Variants in DOCK9 observed in about 807,000 individuals in gnomAD.
The protein encoded by DOCK9 is dedicator of cytokinesis protein 9.
In DOCK9, 89 loss-of-function variants were observed where a neutral mutation model predicts 263.3. The observed-to-expected ratio is 0.34, with a 90% confidence interval of 0.28 to 0.40. The LOEUF is 0.40. Among genes scored for constraint, DOCK9 ranks in the 10% least tolerant of loss-of-function variants. DOCK9 has a pLI of 1.00. For missense variants in DOCK9, 2,140 were observed against 2,603.4 expected, an observed-to-expected ratio of 0.82 and a Z score of 3.87; for synonymous variants, 976 against 973.1, an observed-to-expected ratio of 1.00 and a Z score of -0.06.
chr13:98,958,450 G>A (rs184638133), intron 1 of DOCK9, among the ~76,000 whole-genome samples: 76 of 152,308 alleles, frequency 5.0e-4, no homozygotes, highest in Non-Finnish European at 8.2e-4. Context: ...CTCTGTTCCC[G>A]AACTTACTAT....
At chr13:99,082,979 G>T (rs995376946) in intron 1 of DOCK9, among the ~76,000 whole-genome samples, 1 of 152,176 alleles carries the variant, frequency 6.6e-6, no homozygotes, top group African/African-American at 2.4e-5. Flanking sequence ...TTCTGTCTGG[G>T]TGTGGTGGTT....
chr13:98,909,088 C>A (rs931390885), intron 9 of DOCK9, among the ~76,000 whole-genome samples: 1 of 152,158 alleles, frequency 6.6e-6, no homozygotes, highest in Admixed American at 6.5e-5. Context: ...CTGCCCAAAG[C>A]CCACTGACTA....
At chr13:98,933,032 C>T (rs1477406500) in intron 2 of DOCK9, among the ~76,000 whole-genome samples, 3 of 152,126 alleles carry the variant, frequency 2.0e-5, no homozygotes, top group South Asian at 2.1e-4. Context: ...TTGTGAAGGA[C>T]GGGTGCTACC....
chr13:99,009,206 A>C (rs1884033305), intron 1 of DOCK9, among the ~76,000 whole-genome samples: 1 of 152,244 alleles, frequency 6.6e-6, no homozygotes, highest in African/African-American at 2.4e-5. Flanking sequence ...GTGCTCACAC[A>C]CATTGGCTGC....
chr13:99,042,800 G>A (rs556631155), intron 1 of DOCK9, among the ~76,000 whole-genome samples: 1 of 152,290 alleles, frequency 6.6e-6, no homozygotes, highest in Non-Finnish European at 1.5e-5. Context: ...TGCAGGTGGA[G>A]ACTAGTTAGC....
intron 1 of DOCK9, among the ~76,000 whole-genome samples, chr13:99,067,170 T>C (rs899090988): frequency 6.6e-6 from 1 of 152,196 alleles, no homozygotes; most frequent in Non-Finnish European, 1.5e-5. Context: ...TGTTCCTTTG[T>C]CCACTCCAGA....
chr13:99,073,360 TTCTCTCTCTCCTCTC>T (rs59116545), intron 1 of DOCK9, among the ~76,000 whole-genome samples: 48 of 141,410 alleles, frequency 3.4e-4, no homozygotes, highest in Middle Eastern at 3.8e-3. Context: ...TCTTCTTCTT[TTCTCTCTCTCCTCTC>T]TCTCTCTCTC....
Position 98,867,950 on chromosome 13 carries a change from C to G in DOCK9, c.3152G>C (p.Cys1051Ser), listed in dbSNP as rs752837498. The change falls in exon 29 of 53, where the codon TGT (cysteine) becomes TCT (serine). Residue 1051 changes from cysteine (C) to serine (S), a missense_variant. By Grantham distance (112) the Cys-to-Ser change is moderately radical. This residue lies in a region of DOCK9 where 1,521 missense variants were observed against 1,741.7 expected (regional missense o/e 0.87). Coordinates refer to ENST00000682017, the MANE Select transcript of DOCK9 (RefSeq NM_001366683.2). ...VFKQINNYIS[C>S]FAPGDPKTLF... is the part of the protein sequence containing the mutation. ...TACCTTTGGGTCTCCAGGAGCAAAA[C>G]AGCTAATGTAGTTGTTGATCTGCTT... 3 of 1,613,598 alleles carry G rather than the reference C, an allele frequency of 1.9e-6. No individual in the cohort carries two copies. Among genetic ancestry groups the G allele is most frequent in the African/African-American group, 2.7e-5 (2 of 75,008 alleles).
chr13:99,003,661 T>C (rs1433461632), intron 1 of DOCK9, among the ~76,000 whole-genome samples: 1 of 151,344 alleles, frequency 6.6e-6, no homozygotes, highest in Admixed American at 6.6e-5. Context: ...CTTGACTCCT[T>C]GTCTCTTATT....
intron 27 of DOCK9, among the ~76,000 whole-genome samples, chr13:98,877,498 T>A (rs1215729890): frequency 1.3e-5 from 2 of 152,170 alleles, no homozygotes; most frequent in East Asian, 3.8e-4. Flanking sequence ...AGCCTTATGT[T>A]CATGTAGTTC....
Position 98,868,455 on chromosome 13 carries a change from G to A in DOCK9, c.2944-78C>T, listed in dbSNP as rs1336761886. The A allele has an allele frequency of 3.4e-6, 5 of 1,458,270 alleles. No individual in the cohort carries two copies. In the Admixed American group the frequency reaches 9.1e-5, roughly 27 times the overall value. The allele number at this position is 1,458,270 out of a possible 1,614,324, so 90.3% of individuals were successfully genotyped here. ...GGAGGAAAAAATATCTCATCCCTGA[G>A]TCCATCTTAAAAAACCCAGAGTTTC... is the stretch of plus-strand genomic sequence containing the variant. On this transcript the variant is annotated intron_variant, in intron 27 of 52. Transcript: ENST00000682017.
At chr13:98,861,806 T>C (rs8001879) in intron 32 of DOCK9, among the ~76,000 whole-genome samples, 8,975 of 152,216 alleles carry the variant, frequency 0.059, 683 homozygotes, top group African/African-American at 0.17. Context: ...CAATGCATGT[T>C]TAAAAAACAG....
chr13:98,845,942 A>C lies in DOCK9; in HGVS notation c.4180T>G (p.Ser1394Ala), dbSNP rs987909162. 2.5e-6 allele frequency: 4 copies of C among 1,613,436 alleles called. No homozygotes were observed. The highest frequency in any genetic ancestry group is 4.5e-5 in the East Asian group (2 of 44,892). The change falls in exon 38 of 53, where the codon TCT (serine) becomes GCT (alanine). Residue 1394 changes from serine (S) to alanine (A), a missense_variant. By Grantham distance (99) the Ser-to-Ala change is moderately conservative (BLOSUM62 1). This residue lies in a region of DOCK9 where 1,521 missense variants were observed against 1,741.7 expected (regional missense o/e 0.87). Transcript: ENST00000682017. Reference sequence around the variant, plus strand: ...GACTTACTGTGGTTAAAAGTGAGAGAGTTATCCAGGCTGCCCAGCTGCTGC... The same window carrying C: ...GACTTACTGTGGTTAAAAGTGAGAGCGTTATCCAGGCTGCCCAGCTGCTGC... The part of the protein sequence containing the change: ...RLQQLGSLDN[S>A]LTFNHSYGHS...
chr13:98,829,606 G>C lies in DOCK9; in HGVS notation c.4749+37C>G. ...CAAGCACCTCAGGTGCTGATGCAGA[G>C]TCTCAGGGTGAAACTAACATGGGCC... On this transcript the variant is annotated intron_variant, in intron 42 of 52. Coordinates refer to ENST00000682017, the MANE Select transcript of DOCK9 (RefSeq NM_001366683.2). This position sits in a 1 kb window ranked among gnomAD's most constrained non-coding sequence, Gnocchi z 4.1. The C allele has an allele frequency of 6.3e-7, 1 of 1,585,212 alleles. No individual in the cohort carries two copies. The highest frequency in any genetic ancestry group is 1.3e-5 in the African/African-American group (1 of 74,594).
At chr13:98,960,977 A>C (rs2058571751) in intron 1 of DOCK9, among the ~76,000 whole-genome samples, 1 of 152,194 alleles carries the variant, frequency 6.6e-6, no homozygotes, top group Admixed American at 6.5e-5. Flanking sequence ...GATTGTATAC[A>C]CAGCTTTGAG....
At chr13:98,905,326 C>G (rs1336877728) in intron 9 of DOCK9, among the ~76,000 whole-genome samples, 1 of 152,130 alleles carries the variant, frequency 6.6e-6, no homozygotes, top group African/African-American at 2.4e-5. Flanking sequence ...TCCCTAGTCC[C>G]AAGGAACACC....
At chr13:98,833,750 G>C (rs2092868215) in intron 39 of DOCK9, among the ~76,000 whole-genome samples, 1 of 152,122 alleles carries the variant, frequency 6.6e-6, no homozygotes, top group Non-Finnish European at 1.5e-5. Context: ...ACACACCCCG[G>C]TTTCCTAACT....
At chr13:98,984,788 A>G (rs1310872365) in intron 1 of DOCK9, among the ~76,000 whole-genome samples, 1 of 152,218 alleles carries the variant, frequency 6.6e-6, no homozygotes, top group Admixed American at 6.5e-5. Context: ...CTTTACCTGT[A>G]AAATGAAGGA....
At chr13:98,851,431 G>A (rs2093565709) in intron 35 of DOCK9, among the ~76,000 whole-genome samples, 2 of 152,132 alleles carry the variant, frequency 1.3e-5, no homozygotes, top group African/African-American at 4.8e-5. Context: ...GGAGCTCAGT[G>A]CATGCTGGAG....
Sources: allele counts gnomAD v4.1 joint callset (sites outside exome capture counted in the v4.1 genomes callset), GRCh38; gene constraint gnomAD v4.1.1; regional missense constraint gnomAD v4.1.1; non-coding constraint Gnocchi (gnomAD v3.1); transcripts MANE v1.5; gene names NCBI Gene and HGNC (gene_info 2026-07-23, HGNC 2026-07-21).